FNDC3B: variants seen among roughly 807,000 people sequenced by gnomAD.
FNDC3B encodes fibronectin type III domain-containing protein 3B.
FNDC3B carries 12 observed loss-of-function variants against 151.5 expected under a neutral mutation model. The ratio of observed to expected loss-of-function variants is 0.08; its 90% confidence interval spans 0.05 to 0.13. The LOEUF (loss-of-function observed/expected upper bound fraction) is 0.13, where lower values mean the gene tolerates loss of function less well. Ranked by LOEUF, FNDC3B falls within the 10% of genes least tolerant of loss-of-function variation. The pLI is 1.00. For missense variants in FNDC3B, 1,214 were observed against 1,505.3 expected (o/e 0.81, Z 3.20); for synonymous variants, 528 against 549.0 (o/e 0.96, Z 0.54).
intron 4 of FNDC3B, among the ~76,000 whole-genome samples, chr3:172,239,353 CAT>C (rs1727345391): frequency 6.6e-6 from 1 of 152,156 alleles, no homozygotes; most frequent in Admixed American, 6.5e-5. Context: ...TTATCTGAGA[CAT>C]CTTCTCTTCC....
intron 24 of FNDC3B, among the ~76,000 whole-genome samples, chr3:172,380,487 TTCC>T (rs745930269): frequency 3.3e-5 from 5 of 152,190 alleles, no homozygotes; most frequent in Non-Finnish European, 5.9e-5. Context: ...GTATGCTCTT[TTCC>T]TCCTCTGGAA....
At chr3:172,301,993 A>G (rs1266544313) in intron 9 of FNDC3B, 1 of 152,180 alleles carries the variant, frequency 6.6e-6, no homozygotes, top group Non-Finnish European at 1.5e-5. Context: ...AACAAGGTAC[A>G]TTTTTTCTTC....
At chr3:172,239,000 T>C (rs1161017180) in intron 4 of FNDC3B, among the ~76,000 whole-genome samples, 2 of 152,218 alleles carry the variant, frequency 1.3e-5, no homozygotes, top group East Asian at 3.8e-4. Flanking sequence ...GTTTTAATAA[T>C]GACGTGCTAA....
chr3:172,158,500 T>C (rs955070476), intron 3 of FNDC3B, among the ~76,000 whole-genome samples: 3 of 152,230 alleles, frequency 2.0e-5, no homozygotes, highest in African/African-American at 7.2e-5. Flanking sequence ...CTAATAGGAT[T>C]GTTTGAATTT....
At chr3:172,223,976 A>G (rs923188333) in intron 3 of FNDC3B, among the ~76,000 whole-genome samples, 1 of 152,236 alleles carries the variant, frequency 6.6e-6, no homozygotes, top group African/African-American at 2.4e-5. Context: ...ACTTATGACT[A>G]TTAGGAAGTA....
chr3:172,199,242 C>A (rs1047096042), intron 3 of FNDC3B, among the ~76,000 whole-genome samples: 6 of 150,636 alleles, frequency 4.0e-5, no homozygotes, highest in African/African-American at 1.2e-4. Flanking sequence ...TGCAGTGGCG[C>A]GATCTCGGCT....
chr3:172,041,180 C>T (rs368275544), intron 1 of FNDC3B, among the ~76,000 whole-genome samples: 1 of 152,204 alleles, frequency 6.6e-6, no homozygotes, highest in Non-Finnish European at 1.5e-5. Context: ...CCCCCTCCCC[C>T]TCTTCCCTCC....
At chr3:172,335,852 T>G (rs923545730) in intron 15 of FNDC3B, 54 of 152,174 alleles carry the variant, frequency 3.5e-4, no homozygotes, top group African/African-American at 1.2e-3. Flanking sequence ...TGCAGCCAAG[T>G]AATATAAGGG....
chr3:172,276,926 G>A (rs1729459869), intron 6 of FNDC3B, among the ~76,000 whole-genome samples: 3 of 151,856 alleles, frequency 2.0e-5, no homozygotes, highest in African/African-American at 7.3e-5. Context: ...TGAATTAGGA[G>A]AAAAAAAATT....
chr3:172,187,318 T>C (rs1724239938), intron 3 of FNDC3B: 1 of 152,274 alleles, frequency 6.6e-6, no homozygotes, highest in Non-Finnish European at 1.5e-5. Flanking sequence ...TTCTTATTCA[T>C]TGTGTAATAA....
chr3:172,340,997 A>G (rs1454444150), intron 16 of FNDC3B, 116 bp from the exon 17 acceptor site: 5 of 728,478 alleles, frequency 6.9e-6, no homozygotes, highest in Non-Finnish European at 1.2e-5. Flanking sequence ...GGCTATTTAA[A>G]AAGAAAAAGA....
chr3:172,069,810 G>A (rs1272398986), intron 1 of FNDC3B, among the ~76,000 whole-genome samples: 4 of 152,154 alleles, frequency 2.6e-5, no homozygotes. Flanking sequence ...GCCATTTTAG[G>A]GGGGCTACTA....
intron 6 of FNDC3B, among the ~76,000 whole-genome samples, chr3:172,257,667 C>G (rs1374127940): frequency 1.3e-5 from 2 of 151,922 alleles, no homozygotes; most frequent in South Asian, 2.1e-4. Flanking sequence ...GACCTGGGTC[C>G]TTGTCACCCT....
rs186433321 is a variant in FNDC3B at position 172,109,428 on chromosome 3, A to G, written c.-28-3024A>G. On this transcript the variant is annotated intron_variant, in intron 1 of 25. Coordinates refer to ENST00000415807, the MANE Select transcript of FNDC3B (RefSeq NM_022763.4). Reference sequence around the variant, plus strand: ...TGATCCGCCCGCCTCGGCCTCCCAAAGTGCTGGGATTACAGGCGTGAGCCC... The same window carrying G: ...TGATCCGCCCGCCTCGGCCTCCCAAGGTGCTGGGATTACAGGCGTGAGCCC... Among the ~76,000 whole-genome samples, 51 of 143,374 alleles carry G rather than the reference A, an allele frequency of 3.6e-4. No homozygotes were observed. In the East Asian group the frequency reaches 6.9e-3, roughly 19 times the overall value. 94.1% of individuals were successfully genotyped at this position (143,374 alleles called of 152,430 possible). A position where few individuals can be genotyped will look rare whatever the true frequency, so the allele number is the denominator to read the frequency against.
chr3:172,178,342 A>G (rs1408467169), intron 3 of FNDC3B, among the ~76,000 whole-genome samples: 3 of 152,158 alleles, frequency 2.0e-5, no homozygotes, highest in Non-Finnish European at 2.9e-5. Flanking sequence ...ATGATACACT[A>G]CTATGTAAAT....
intron 3 of FNDC3B, among the ~76,000 whole-genome samples, chr3:172,205,443 T>C (rs1230156810): frequency 6.6e-6 from 1 of 152,180 alleles, no homozygotes; most frequent in Non-Finnish European, 1.5e-5. Context: ...CAGACAATCT[T>C]GTGAAATTGT....
At chr3:172,220,920 G>T (rs1025809815) in intron 3 of FNDC3B, among the ~76,000 whole-genome samples, 325 of 84,322 alleles carry the variant, frequency 3.9e-3, no homozygotes, top group Non-Finnish European at 5.1e-3. Flanking sequence ...TGAGACTCTG[G>T]CTCTATTAAA....
At chr3:172,362,868 C>G (rs767673937) in intron 23 of FNDC3B, 23 bp downstream of exon 23, 2 of 1,566,272 alleles carry the variant, frequency 1.3e-6, no homozygotes, top group East Asian at 2.3e-5. Context: ...TGAGGATGCT[C>G]CTGAAGCTTC....
chr3:172,328,053 A>C (rs1413778684), intron 11 of FNDC3B, among the ~76,000 whole-genome samples: 1 of 152,230 alleles, frequency 6.6e-6, no homozygotes, highest in African/African-American at 2.4e-5. Flanking sequence ...AGAGTATTAC[A>C]TGCCTGTGAG....
Sources: gnomAD v4.1 joint callset for allele counts (sites outside exome capture counted in the v4.1 genomes callset) on GRCh38, gnomAD v4.1.1 for gene constraint, MANE v1.5 for transcripts, NCBI Gene and HGNC (gene_info 2026-07-23, HGNC 2026-07-21) for gene names.